PPP2R3B: variants seen among roughly 807,000 people sequenced by gnomAD.
The protein encoded by PPP2R3B is serine/threonine-protein phosphatase 2A regulatory subunit B'' subunit beta.
A neutral mutation model predicts 72.9 loss-of-function variants in PPP2R3B; 68 were observed. The ratio of observed to expected loss-of-function variants is 0.93; its 90% CI spans 0.77 to 1.14. The LOEUF (loss-of-function observed/expected upper bound fraction) is 1.14, where lower values mean the gene tolerates loss of function less well. Among genes scored for constraint, PPP2R3B ranks in the 50% most tolerant of loss-of-function variants. The pLI is 0.00. For missense variants in PPP2R3B, 1,018 were observed against 842.0 expected (o/e 1.21, Z -2.59); for synonymous variants, 466 against 375.8 (o/e 1.24, Z -2.78).
At chrX:363,794 T>A (rs112522774) in intron 1 of PPP2R3B, among the ~76,000 whole-genome samples, 20,503 of 152,196 alleles carry the variant, frequency 0.13, 1,830 homozygotes, top group Admixed American at 0.22. Flanking sequence ...CTCTTCCTCC[T>A]TCATCACGCT....
intron 2 of PPP2R3B, among the ~76,000 whole-genome samples, chrX:358,828 G>GT (rs1168022747): frequency 2.7e-5 from 4 of 150,036 alleles, no homozygotes; most frequent in Admixed American, 6.6e-5. Context: ...ACCACGGTGG[G>GT]GGGAGGCGCC....
chrX:356,884 CCGCCAGCCACACAGCGAGCCCCACGG>C (rs2071447807), intron 2 of PPP2R3B, among the ~76,000 whole-genome samples: 2 of 108,804 alleles, frequency 1.8e-5, no homozygotes, highest in Admixed American at 1.8e-4. Flanking sequence ...TATCCACACC[CCGCCAGCCACACAGCGAGCCCCACGG>C]TAACCACGCC....
intron 1 of PPP2R3B, among the ~76,000 whole-genome samples, chrX:371,651 C>T (rs1022490201): frequency 6.6e-6 from 1 of 152,164 alleles, no homozygotes; most frequent in Non-Finnish European, 1.5e-5. Context: ...CGGCCGGGAG[C>T]GTCCGAAGGC....
chrX:349,826 C>T (rs933478282), intron 2 of PPP2R3B, among the ~76,000 whole-genome samples: 6 of 152,156 alleles, frequency 3.9e-5, no homozygotes, highest in African/African-American at 2.4e-5. Context: ...CTGCAGGGCA[C>T]GGCTGGGTGA....
chrX:382,077 T>G (rs1569420029), intron 1 of PPP2R3B, among the ~76,000 whole-genome samples: 3 of 152,134 alleles, frequency 2.0e-5, no homozygotes, highest in South Asian at 2.1e-4. Flanking sequence ...AAGTGCAGAA[T>G]CCTGCACCCT....
chrX:345,535 C>T lies in PPP2R3B; in HGVS notation c.1017G>A (p.Leu339=), dbSNP rs752275421. Residue 339 remains leucine, a synonymous_variant, in exon 7 of 13, where the codon CTG becomes CTA. Transcript: ENST00000390665. ...DHDLLIDADD[L]ARHNDHALST... is the part of the protein sequence containing the mutation. ...ACGCACCGTGGTCATTGTGCCGCGCCAGGTCGTCCGCGTCGATGAGCAGGT... is the reference window on the plus strand; with the variant it reads ...ACGCACCGTGGTCATTGTGCCGCGCTAGGTCGTCCGCGTCGATGAGCAGGT... 1.9e-5 allele frequency: 30 copies of T among 1,613,070 alleles called. No homozygotes were observed. In the South Asian group the frequency reaches 3.3e-4, roughly 18 times the overall value.
At chrX:375,196 G>T (rs2071962319) in intron 1 of PPP2R3B, among the ~76,000 whole-genome samples, 1 of 152,166 alleles carries the variant, frequency 6.6e-6, no homozygotes, top group African/African-American at 2.4e-5. Flanking sequence ...TGAGGATTCA[G>T]AAGTCGGCCT....
intron 1 of PPP2R3B, among the ~76,000 whole-genome samples, chrX:381,170 C>T (rs1466211492): frequency 1.3e-5 from 2 of 152,074 alleles, no homozygotes; most frequent in African/African-American, 2.4e-5. Context: ...CTCAAGGGAT[C>T]CTCCCTCCTT....
At chrX:349,836 A>G (rs1402811349) in intron 2 of PPP2R3B, among the ~76,000 whole-genome samples, 2 of 152,242 alleles carry the variant, frequency 1.3e-5, no homozygotes, top group Non-Finnish European at 2.9e-5. Context: ...CGGCTGGGTG[A>G]AATCAAAGAC....
At chrX:335,346 G>A (rs2070859955) in intron 12 of PPP2R3B, 1 of 152,416 alleles carries the variant, frequency 6.6e-6, no homozygotes, top group South Asian at 2.1e-4. Context: ...GTGTCCGACA[G>A]GAGAAGGCAG....
chrX:344,051 G>C (rs2071137005), intron 7 of PPP2R3B, among the ~76,000 whole-genome samples: 1 of 147,374 alleles, frequency 6.8e-6, no homozygotes. Context: ...AACGGGAGGC[G>C]GGAGGGAGAC....
intron 1 of PPP2R3B, among the ~76,000 whole-genome samples, chrX:375,487 G>C (rs5987280): frequency 0.41 from 55,129 of 133,230 alleles, 10,605 homozygotes; most frequent in Middle Eastern, 0.53. Flanking sequence ...GCAGAGGTGC[G>C]GCCCAGTAAC....
chrX:371,346 G>C (rs2071858950), intron 1 of PPP2R3B, among the ~76,000 whole-genome samples: 1 of 152,194 alleles, frequency 6.6e-6, no homozygotes, highest in South Asian at 2.1e-4. Context: ...GTGAACGCAT[G>C]CTGTTCCGTT....
chrX:368,253 G>A (rs5987285), intron 1 of PPP2R3B, among the ~76,000 whole-genome samples: 1,518 of 143,786 alleles, frequency 0.011, 20 homozygotes, highest in African/African-American at 0.039. Context: ...CACCCACCCC[G>A]GGCACAGACA....
chrX:340,344 G>C (rs908385210), intron 10 of PPP2R3B, among the ~76,000 whole-genome samples: 1 of 151,348 alleles, frequency 6.6e-6, no homozygotes, highest in Non-Finnish European at 1.5e-5. Flanking sequence ...TCGACGCCCC[G>C]AATAGGAGGT....
intron 1 of PPP2R3B, among the ~76,000 whole-genome samples, chrX:370,972 G>A (rs1388328996): frequency 1.3e-5 from 2 of 152,168 alleles, no homozygotes; most frequent in East Asian, 1.9e-4. Flanking sequence ...GTGTGACCAG[G>A]ACAGGTGAAG....
At chrX:371,700 C>G (rs941293118) in intron 1 of PPP2R3B, among the ~76,000 whole-genome samples, 8 of 152,212 alleles carry the variant, frequency 5.3e-5, no homozygotes, top group Admixed American at 2.6e-4. Context: ...GGCTCCAACA[C>G]GGGTGCTCCC....
intron 2 of PPP2R3B, among the ~76,000 whole-genome samples, chrX:354,135 G>C (rs1030827799): frequency 7.2e-6 from 1 of 137,932 alleles, no homozygotes; most frequent in African/African-American, 3.1e-5. Flanking sequence ...CCAAAGACTG[G>C]GGGCTCACCC....
rs375391068 is a variant in PPP2R3B at position 386,430 on chromosome X, C to A, written c.262G>T (p.Ala88Ser). Residue 88 changes from alanine to serine, a missense_variant, in exon 1 of 13, where the codon GCC (alanine) becomes TCC (serine). Coordinates refer to ENST00000390665, the MANE Select transcript of PPP2R3B (RefSeq NM_013239.5). ...TGGGGCGCGTTCCTGGGGCTGGAGG[C>A]GGCGCCCAGGGGCAGCGCAGGGCCC... ...GPGPALPLGA[A>S]SSPRNAPHVR... The A allele has an allele frequency of 1.5e-6, 2 of 1,318,420 alleles. No individual in the cohort carries two copies. Among genetic ancestry groups the A allele is most frequent in the Non-Finnish European group, 1.9e-6 (2 of 1,029,152 alleles). 81.7% of individuals were successfully genotyped at this position (1,318,420 alleles called of 1,614,324 possible). A position where few individuals can be genotyped will look rare whatever the true frequency, so the allele number is the denominator to read the frequency against.
Sources: gnomAD v4.1 joint callset for allele counts (sites outside exome capture counted in the v4.1 genomes callset) on GRCh38, gnomAD v4.1.1 for gene constraint, MANE v1.5 for transcripts, NCBI Gene and HGNC (gene_info 2026-07-23, HGNC 2026-07-21) for gene names.